Variants in XKR9 observed in about 807,000 individuals in gnomAD.
The protein encoded by XKR9 is XK-related protein 9.
A neutral mutation model predicts 32.0 loss-of-function variants in XKR9; 32 were observed. The observed-to-expected ratio is 1.00, with a 90% CI of 0.76 to 1.34. XKR9 has a LOEUF of 1.34. XKR9 is among the 40% of genes most tolerant of loss of function. XKR9 has a pLI of 0.00. For synonymous variants in XKR9, 168 were observed against 143.4 expected, an observed-to-expected ratio of 1.17 and a Z score of -1.22; for missense variants, 546 against 429.7, an observed-to-expected ratio of 1.27 and a Z score of -2.39.
At chr8:70,953,474 G>A in the XKR9 span, among the ~76,000 whole-genome samples, 2 of 152,164 alleles carry the variant, frequency 1.3e-5, no homozygotes, top group East Asian at 1.9e-4. Context: ...ACCGTGCCCG[G>A]CTAATTTTTT....
the XKR9 span, among the ~76,000 whole-genome samples, chr8:70,915,282 G>A: frequency 6.6e-6 from 1 of 152,226 alleles, no homozygotes; most frequent in East Asian, 1.9e-4. Flanking sequence ...ATGACTCCAG[G>A]GCCATAATTT....
intron 4 of XKR9, among the ~76,000 whole-genome samples, chr8:70,708,179 T>G (rs1805786052): frequency 6.6e-6 from 1 of 152,056 alleles, no homozygotes; most frequent in Non-Finnish European, 1.5e-5. Context: ...TTTTTTGTGA[T>G]GCAAATAATT....
chr8:70,727,897 G>T (rs1273924840), intron 4 of XKR9, among the ~76,000 whole-genome samples: 1 of 151,740 alleles, frequency 6.6e-6, no homozygotes, highest in Non-Finnish European at 1.5e-5. Context: ...TTAAGTGCAG[G>T]TCTGCAAAAT....
chr8:71,030,782 C>T, the XKR9 span, among the ~76,000 whole-genome samples: 7 of 152,114 alleles, frequency 4.6e-5, no homozygotes, highest in East Asian at 1.3e-3. Flanking sequence ...GGTTTGAATT[C>T]TAAACTCATT....
chr8:70,953,625 A>G, the XKR9 span, among the ~76,000 whole-genome samples: 1 of 152,136 alleles, frequency 6.6e-6, no homozygotes, highest in African/African-American at 2.4e-5. Flanking sequence ...TTATTCCATT[A>G]TTATTTCCAT....
the XKR9 span, among the ~76,000 whole-genome samples, chr8:70,902,940 G>A: frequency 4.6e-5 from 7 of 152,120 alleles, no homozygotes; most frequent in South Asian, 2.1e-4. Context: ...GATGGATTAT[G>A]TGTATTGATT....
chr8:70,727,727 G>A (rs1229513090), intron 4 of XKR9, among the ~76,000 whole-genome samples: 1 of 151,840 alleles, frequency 6.6e-6, no homozygotes, highest in Non-Finnish European at 1.5e-5. Context: ...GGACAACTTA[G>A]TGGGTAGGGG....
chr8:71,059,105 A>C, the XKR9 span, among the ~76,000 whole-genome samples: 1 of 152,358 alleles, frequency 6.6e-6, no homozygotes, highest in Non-Finnish European at 1.5e-5. Context: ...GTTAATGAAA[A>C]TTCAAATACC....
At chr8:70,931,551 G>A in the XKR9 span, among the ~76,000 whole-genome samples, 4 of 152,286 alleles carry the variant, frequency 2.6e-5, no homozygotes, top group East Asian at 5.8e-4. Flanking sequence ...CAGGTCATGT[G>A]TTAGCCCATT....
intron 3 of XKR9, among the ~76,000 whole-genome samples, chr8:70,703,963 A>G (rs545733110): frequency 4.0e-4 from 61 of 152,242 alleles, no homozygotes; most frequent in Non-Finnish European, 8.2e-4. Flanking sequence ...TGGGTGGATC[A>G]TGAGGTCAGG....
At chr8:70,717,437 C>T (rs1160144074) in intron 4 of XKR9, among the ~76,000 whole-genome samples, 1 of 152,200 alleles carries the variant, frequency 6.6e-6, no homozygotes, top group African/African-American at 2.4e-5. Flanking sequence ...AATCTCACTT[C>T]TTGACTTCTG....
At chr8:70,802,901 A>G in the XKR9 span, among the ~76,000 whole-genome samples, 1 of 152,038 alleles carries the variant, frequency 6.6e-6, no homozygotes, top group Admixed American at 6.6e-5. Flanking sequence ...TTTCATTTCA[A>G]CTTTGGATAA....
chr8:70,827,019 C>T, the XKR9 span, among the ~76,000 whole-genome samples: 5 of 151,978 alleles, frequency 3.3e-5, no homozygotes, highest in African/African-American at 7.2e-5. Flanking sequence ...TACATAAAGG[C>T]GGTGCTAATC....
chr8:70,871,486 A>G, the XKR9 span, among the ~76,000 whole-genome samples: 2 of 152,130 alleles, frequency 1.3e-5, no homozygotes, highest in East Asian at 3.8e-4. Context: ...AAACTTTTTC[A>G]TTATTATATA....
the XKR9 span, among the ~76,000 whole-genome samples, chr8:71,006,862 A>G: frequency 6.6e-6 from 1 of 152,320 alleles, no homozygotes; most frequent in East Asian, 1.9e-4. Flanking sequence ...AGTTTTAGAC[A>G]CTAAGAAAAT....
the XKR9 span, among the ~76,000 whole-genome samples, chr8:70,928,996 C>T: frequency 6.6e-6 from 1 of 152,102 alleles, no homozygotes; most frequent in Admixed American, 6.6e-5. Context: ...GTCTTAGTTC[C>T]CTTTTGCTTC....
chr8:70,798,277 T>C, the XKR9 span, among the ~76,000 whole-genome samples: 1 of 152,146 alleles, frequency 6.6e-6, no homozygotes, highest in Non-Finnish European at 1.5e-5. Flanking sequence ...TATCTCATTG[T>C]GGTTTTGGTT....
intron 2 of XKR9, among the ~76,000 whole-genome samples, chr8:70,775,806 G>A (rs566448226): frequency 1.6e-4 from 24 of 151,394 alleles, no homozygotes; most frequent in Middle Eastern, 3.4e-3. Context: ...CTACAGTGGC[G>A]CAATCATGGC....
intron 2 of XKR9, among the ~76,000 whole-genome samples, chr8:70,786,454 C>T (rs995452894): frequency 3.3e-5 from 5 of 152,058 alleles, no homozygotes; most frequent in Non-Finnish European, 5.9e-5. Flanking sequence ...TATTTAGATG[C>T]TCTGATGTTG....
Sources: allele counts gnomAD v4.1 joint callset (sites outside exome capture counted in the v4.1 genomes callset), GRCh38; gene constraint gnomAD v4.1.1; transcripts MANE v1.5; gene names NCBI Gene and HGNC (gene_info 2026-07-23, HGNC 2026-07-21).